Variants in NEDD4L observed in about 807,000 individuals in gnomAD.
NEDD4L encodes the protein E3 ubiquitin-protein ligase NEDD4-like.
Under a neutral mutation model 148.9 loss-of-function variants are expected in NEDD4L, and 54 were observed. The observed-to-expected ratio is 0.36, with a 90% CI of 0.29 to 0.45. The LOEUF is 0.45. NEDD4L is among the 20% of genes least tolerant of loss of function. NEDD4L has a pLI of 1.00. For synonymous variants in NEDD4L, 433 were observed against 440.7 expected, an observed-to-expected ratio of 0.98 and a Z score of 0.22; for missense variants, 856 against 1,233.8, an observed-to-expected ratio of 0.69 and a Z score of 4.59.
intron 24 of NEDD4L, 82 bp from the exon 25 acceptor site, chr18:58,383,164 T>G (rs1302985074): frequency 1.3e-6 from 1 of 761,944 alleles, no homozygotes; most frequent in African/African-American, 1.7e-5. Flanking sequence ...TGTCTTCCCT[T>G]TATAGTAAGA....
intron 1 of NEDD4L, among the ~76,000 whole-genome samples, chr18:58,114,093 C>A (rs1053810704): frequency 3.3e-5 from 5 of 152,158 alleles, no homozygotes; most frequent in Admixed American, 6.5e-5. Flanking sequence ...AACGTAGGCC[C>A]TGGCAGAGAC....
At chr18:58,125,711 A>G (rs1488854499) in intron 1 of NEDD4L, among the ~76,000 whole-genome samples, 2 of 152,246 alleles carry the variant, frequency 1.3e-5, no homozygotes, top group Non-Finnish European at 2.9e-5. Context: ...GTCACATTAA[A>G]AAGAAAACAG....
intron 18 of NEDD4L, among the ~76,000 whole-genome samples, chr18:58,356,031 C>T (rs2044589409): frequency 6.6e-6 from 1 of 152,140 alleles, no homozygotes; most frequent in Non-Finnish European, 1.5e-5. Context: ...TCATAGCTCA[C>T]TGCAGCCTTC....
At chr18:58,251,064 GT>G (rs1249445336) in intron 4 of NEDD4L, among the ~76,000 whole-genome samples, 1 of 152,154 alleles carries the variant, frequency 6.6e-6, no homozygotes, top group African/African-American at 2.4e-5. Flanking sequence ...GCAGGTCCTG[GT>G]TGCCCTACAC....
In NEDD4L at chr18:58,396,477, C is replaced by G; in HGVS notation, c.*208C>G. 1 of 498,312 alleles carries G rather than the reference C, an allele frequency of 2.0e-6. No homozygotes were observed. The highest frequency in any genetic ancestry group is 3.7e-6 in the Non-Finnish European group (1 of 273,580). 30.9% of individuals were successfully genotyped at this position (498,312 alleles called of 1,614,324 possible). On this transcript the variant is annotated 3_prime_UTR_variant, in exon 31 of 31. Coordinates refer to ENST00000400345, the MANE Select transcript of NEDD4L (RefSeq NM_001144967.3). ...TGCCTTTCCCACCACAAATTATCAA[C>G]TGGTTGATGTGTACACTAATTACAT...
rs2041622718 is a variant in NEDD4L at position 58,335,499 on chromosome 18, G to T, written c.1087G>T (p.Ala363Ser). Residue 363 changes from alanine (A) to serine (S), a missense_variant, in exon 13 of 31, where the codon GCG becomes TCG. Physicochemically the swap from Ala to Ser is moderately conservative, Grantham distance 99. This residue lies in a region of NEDD4L where 367 missense variants were observed against 422.7 expected (regional missense o/e 0.87). Transcript: ENST00000400345. Reference protein sequence around the residue: ...LPPPSAPAGRARSSTVTGGEE... With the variant: ...LPPPSAPAGRSRSSTVTGGEE... Reference sequence around the variant, plus strand: ...ACAGCCCAGTGCCCCAGCTGGGAGAGCGCGTTCATCAACTGTCACGGGTGG... The same window carrying T: ...ACAGCCCAGTGCCCCAGCTGGGAGATCGCGTTCATCAACTGTCACGGGTGG... The T allele has an allele frequency of 6.2e-7, 1 of 1,613,690 alleles. No individual in the cohort carries two copies. The highest frequency in any genetic ancestry group is 1.3e-5 in the African/African-American group (1 of 74,926).
At chr18:58,219,859 G>A (rs543571561) in intron 2 of NEDD4L, among the ~76,000 whole-genome samples, 1 of 151,808 alleles carries the variant, frequency 6.6e-6, no homozygotes, top group Non-Finnish European at 1.5e-5. Flanking sequence ...TATCTTTAAG[G>A]GAATAGGCAA....
chr18:58,363,450 C>T (rs1023663287), intron 19 of NEDD4L, among the ~76,000 whole-genome samples: 1 of 152,164 alleles, frequency 6.6e-6, no homozygotes, highest in Non-Finnish European at 1.5e-5. Context: ...ATCCTTTTTG[C>T]TCATAAAAAT....
Position 58,078,663 on chromosome 18 carries a change from A to G in NEDD4L, c.48+33955A>G, listed in dbSNP as rs560306091. Among the ~76,000 whole-genome samples the G allele has an allele frequency of 4.6e-5, 7 of 152,350 alleles. No individual in the cohort carries two copies. The South Asian group carries it at 8.3e-4, about 18-fold the overall frequency. Reference sequence around the variant, plus strand: ...CGTTTGACTAGTTTTTAGGAAAACAATATGTACAATGGAACAGAAAGCTTA... The same window carrying G: ...CGTTTGACTAGTTTTTAGGAAAACAGTATGTACAATGGAACAGAAAGCTTA... On this transcript the variant is annotated intron_variant, in intron 1 of 30. Coordinates refer to ENST00000400345, the MANE Select transcript of NEDD4L (RefSeq NM_001144967.3).
intron 9 of NEDD4L, among the ~76,000 whole-genome samples, chr18:58,325,528 C>G (rs1461437905): frequency 6.6e-6 from 1 of 152,210 alleles, no homozygotes; most frequent in African/African-American, 2.4e-5. Context: ...CAGAACAGAA[C>G]CGGCAAGCAA....
chr18:58,118,417 T>A lies in NEDD4L; in HGVS notation c.49-47371T>A, dbSNP rs1056895276. 2.0e-5 allele frequency among the ~76,000 whole-genome samples: 3 copies of A among 152,220 alleles called. No homozygotes were observed. The South Asian group carries it at 6.2e-4, about 32-fold the overall frequency. ...ACTTGTGGCTTTTCCTACTTTCTCA[T>A]CTCTTTTATGGATATAACTAGAAGC... On this transcript the variant is annotated intron_variant, in intron 1 of 30. Coordinates refer to ENST00000400345, the MANE Select transcript of NEDD4L (RefSeq NM_001144967.3).
chr18:58,317,855 G>A (rs567406520), intron 6 of NEDD4L, among the ~76,000 whole-genome samples: 1 of 152,264 alleles, frequency 6.6e-6, no homozygotes, highest in South Asian at 2.1e-4. Context: ...TTGCAGTGGC[G>A]TGCTTCACCT....
At chr18:58,281,732 CTA>C (rs1195901364) in intron 5 of NEDD4L, among the ~76,000 whole-genome samples, 1 of 151,596 alleles carries the variant, frequency 6.6e-6, no homozygotes, top group Non-Finnish European at 1.5e-5. Flanking sequence ...AGTTTTAAAA[CTA>C]TAAAATGTTG....
At chr18:58,078,258 G>A (rs1321432957) in intron 1 of NEDD4L, among the ~76,000 whole-genome samples, 1 of 152,170 alleles carries the variant, frequency 6.6e-6, no homozygotes, top group African/African-American at 2.4e-5. Flanking sequence ...TAGATGGTCA[G>A]TAATCTCAAA....
At chr18:58,143,668 C>G (rs1047670062) in intron 1 of NEDD4L, among the ~76,000 whole-genome samples, 2 of 152,120 alleles carry the variant, frequency 1.3e-5, no homozygotes, top group African/African-American at 4.8e-5. Flanking sequence ...GTCCATGTCC[C>G]CAGAGAGGCC....
intron 11 of NEDD4L, among the ~76,000 whole-genome samples, chr18:58,331,365 A>G (rs2144721538): frequency 6.6e-6 from 1 of 152,346 alleles, no homozygotes; most frequent in Non-Finnish European, 1.5e-5. Context: ...CATTTCGCTG[A>G]TAAGGGCACA....
Position 58,044,517 on chromosome 18 carries a change from C to A in NEDD4L, c.-144C>A. 8.6e-7 allele frequency: 1 copy of A among 1,164,470 alleles called. No individual in the cohort carries two copies. Among genetic ancestry groups the A allele is most frequent in the Non-Finnish European group, 1.1e-6 (1 of 914,830 alleles). The allele number at this position is 1,164,470 out of a possible 1,614,324, so 72.1% of individuals were successfully genotyped here. The stretch of plus-strand genomic sequence containing the variant: ...CGCGCTCTCGGGCACCCTCACCTGC[C>A]GGCGCCCGGCCGCTTACCCGGCAGG... On this transcript the variant is annotated 5_prime_UTR_variant, in exon 1 of 31. Coordinates refer to ENST00000400345, the MANE Select transcript of NEDD4L (RefSeq NM_001144967.3).
chr18:58,356,531 G>C (rs764452475), intron 18 of NEDD4L, among the ~76,000 whole-genome samples: 8 of 152,196 alleles, frequency 5.3e-5, no homozygotes, highest in Non-Finnish European at 8.8e-5. Flanking sequence ...GGTATAGATA[G>C]CATTGAACAG....
intron 5 of NEDD4L, among the ~76,000 whole-genome samples, chr18:58,304,150 T>C (rs542487770): frequency 1.3e-5 from 2 of 152,156 alleles, no homozygotes; most frequent in East Asian, 1.9e-4. Flanking sequence ...TTACGAAGCA[T>C]AGGACAGCCC....
Sources: gnomAD v4.1 joint callset for allele counts (sites outside exome capture counted in the v4.1 genomes callset) on GRCh38, gnomAD v4.1.1 for gene constraint, gnomAD v4.1.1 regional missense constraint, MANE v1.5 for transcripts, NCBI Gene and HGNC (gene_info 2026-07-23, HGNC 2026-07-21) for gene names.